Variants in KDM3B observed in about 807,000 individuals in gnomAD.
KDM3B encodes the protein lysine-specific demethylase 3B.
A neutral mutation model predicts 170.0 loss-of-function variants in KDM3B; 10 were observed. That is an observed-to-expected ratio of 0.06 (90% CI 0.04 to 0.10). KDM3B has a LOEUF of 0.10. Among genes scored for constraint, KDM3B ranks in the 10% least tolerant of loss-of-function variants. The pLI is 1.00. For synonymous variants in KDM3B, 831 were observed against 834.8 expected (o/e 1.00, Z 0.08); for missense variants, 1,394 against 2,195.2 (o/e 0.64, Z 7.29).
At chr5:138,427,867 T>C (rs1251768794) in intron 19 of KDM3B, 100 bp from the exon 20 acceptor site, 2 of 1,062,658 alleles carry the variant, frequency 1.9e-6, no homozygotes, top group Non-Finnish European at 2.8e-6. Context: ...CTAATTTTAC[T>C]CATTTAACAA....
intron 11 of KDM3B, among the ~76,000 whole-genome samples, chr5:138,411,559 T>C (rs1024062815): frequency 1.3e-5 from 2 of 152,118 alleles, no homozygotes; most frequent in African/African-American, 4.8e-5. Flanking sequence ...TAACTCTAAG[T>C]GGACCATAGG....
intron 11 of KDM3B, among the ~76,000 whole-genome samples, chr5:138,403,548 G>T (rs780016719): frequency 6.6e-6 from 1 of 152,110 alleles, no homozygotes; most frequent in South Asian, 2.1e-4. Flanking sequence ...ATGGTGGCGG[G>T]TGCCTGTAAT....
chr5:138,415,157 A>T lies in KDM3B; in HGVS notation c.3225A>T (p.Glu1075Asp). Residue 1075 changes from glutamate to aspartate, a missense_variant, in exon 12 of 24, where the codon GAA becomes GAT. By Grantham distance (45) the Glu-to-Asp change is conservative. Around this residue, in one of 19 missense-constraint regions of KDM3B, gnomAD observed 44 missense variants for 71.1 expected, o/e 0.62. Transcript: ENST00000314358. Reference protein sequence around the residue: ...RSETEEMGDEEVFSWLKCAKG... With the variant: ...RSETEEMGDEDVFSWLKCAKG... ...AGACAGAAGAGATGGGTGATGAAGAAGTTTTCTCCTGGTTGAAGTGTGCAA... is the reference window on the plus strand; with the variant it reads ...AGACAGAAGAGATGGGTGATGAAGATGTTTTCTCCTGGTTGAAGTGTGCAA... 1 of 1,608,094 alleles carries T rather than the reference A, an allele frequency of 6.2e-7. No homozygotes were observed. Among genetic ancestry groups the T allele is most frequent in the Non-Finnish European group, 8.5e-7 (1 of 1,175,636 alleles).
chr5:138,355,296 ACTT>A (rs1364626598), intron 1 of KDM3B, among the ~76,000 whole-genome samples: 1 of 152,226 alleles, frequency 6.6e-6, no homozygotes, highest in Non-Finnish European at 1.5e-5. Flanking sequence ...TTGAAAACAC[ACTT>A]CTTAATTTTA....
chr5:138,374,549 G>A (rs996829157), intron 2 of KDM3B, among the ~76,000 whole-genome samples: 10 of 152,104 alleles, frequency 6.6e-5, no homozygotes, highest in African/African-American at 2.2e-4. Context: ...TAGCCACTGC[G>A]CCCGGCTTCT....
Position 138,352,882 on chromosome 5 carries a change from C to T in KDM3B, c.87C>T (p.Pro29=). Residue 29 remains proline (P), a synonymous_variant, in exon 1 of 24, where the codon CCC becomes CCT. Coordinates refer to ENST00000314358, the MANE Select transcript of KDM3B (RefSeq NM_016604.4). ...DTAASASASA[P]AAAAASGDPG... ...CGGCCTCAGCCTCGGCCTCGGCTCCCGCGGCGGCAGCGGCGAGCGGAGATC... is the reference window on the plus strand; with the variant it reads ...CGGCCTCAGCCTCGGCCTCGGCTCCTGCGGCGGCAGCGGCGAGCGGAGATC... 1.5e-6 allele frequency: 2 copies of T among 1,377,206 alleles called. No homozygotes were observed. Among genetic ancestry groups the T allele is most frequent in the Non-Finnish European group, 9.4e-7 (1 of 1,062,448 alleles). 85.3% of individuals were successfully genotyped at this position (1,377,206 alleles called of 1,614,324 possible).
At chr5:138,414,226 C>T (rs1301400840) in intron 11 of KDM3B, among the ~76,000 whole-genome samples, 4 of 152,054 alleles carry the variant, frequency 2.6e-5, no homozygotes, top group Admixed American at 1.3e-4. Context: ...AGTGCAGTGG[C>T]GTGGTCTCAG....
chr5:138,383,982 C>T (rs1762190377), intron 6 of KDM3B, among the ~76,000 whole-genome samples: 1 of 150,912 alleles, frequency 6.6e-6, no homozygotes, highest in African/African-American at 2.4e-5. Flanking sequence ...CAAGGCCAGG[C>T]GCGGTGGCTC....
chr5:138,353,319 G>A (rs1344651639), intron 1 of KDM3B, among the ~76,000 whole-genome samples: 1 of 152,220 alleles, frequency 6.6e-6, no homozygotes, highest in Non-Finnish European at 1.5e-5. Context: ...GAGCTCCCGG[G>A]AGCCTCAGAG....
chr5:138,405,904 T>C (rs949039153), intron 11 of KDM3B, among the ~76,000 whole-genome samples: 1 of 152,194 alleles, frequency 6.6e-6, no homozygotes, highest in African/African-American at 2.4e-5. Context: ...GAAGATAGAC[T>C]TTGATAAGTT....
At chr5:138,395,814 C>T (rs1178598252) in intron 9 of KDM3B, among the ~76,000 whole-genome samples, 2 of 151,920 alleles carry the variant, frequency 1.3e-5, no homozygotes, top group African/African-American at 4.8e-5. Context: ...GACAGGGTTT[C>T]ACCACATTGG....
At chr5:138,410,819 CAA>C (rs1358760128) in intron 11 of KDM3B, among the ~76,000 whole-genome samples, 2 of 152,208 alleles carry the variant, frequency 1.3e-5, no homozygotes, top group South Asian at 2.1e-4. Flanking sequence ...AGAGAGGAGA[CAA>C]AGAGAAAGAC....
chr5:138,381,493 A>G (rs1270641411), intron 5 of KDM3B, 23 bp from the exon 6 acceptor site: 13 of 1,413,288 alleles, frequency 9.2e-6, no homozygotes, highest in South Asian at 6.9e-5. Flanking sequence ...GGCATTAAAT[A>G]TCTTTTTCCC....
intron 7 of KDM3B, among the ~76,000 whole-genome samples, chr5:138,390,349 C>T (rs1461010116): frequency 6.6e-6 from 1 of 152,116 alleles, no homozygotes; most frequent in African/African-American, 2.4e-5. Context: ...TGGTAAATAG[C>T]TTGCTTTCTT....
intron 1 of KDM3B, among the ~76,000 whole-genome samples, chr5:138,358,479 A>T: frequency 1.4e-5 from 2 of 144,492 alleles, no homozygotes; most frequent in Non-Finnish European, 1.5e-5. Context: ...ATTTTTTTTT[A>T]TTTATTAGTA....
In KDM3B at chr5:138,419,161, C is replaced by T. The variant is rs533594350; in HGVS notation, c.3644C>T (p.Thr1215Met). 1.2e-5 allele frequency: 20 copies of T among 1,614,222 alleles called. No homozygotes were observed. Among genetic ancestry groups the T allele is most frequent in the Middle Eastern group, 3.3e-4 (2 of 6,058 alleles). The change falls in exon 14 of 24, where the codon ACG becomes ATG. Residue 1215 changes from threonine to methionine, a missense_variant. Physicochemically the swap from Thr to Met is moderately conservative, Grantham distance 81. This residue lies in a region of KDM3B where 87 missense variants were observed against 83.3 expected (regional missense o/e 1.04). Transcript: ENST00000314358. ...GCCATCAGGCCTCCTTGCCCTGACACGGCCCCACCCTCCTCCGCCCTGCAC... is the reference window on the plus strand; with the variant it reads ...GCCATCAGGCCTCCTTGCCCTGACATGGCCCCACCCTCCTCCGCCCTGCAC... ...LKAIRPPCPDTAPPSSALHWL... is the reference protein window; with the variant it reads ...LKAIRPPCPDMAPPSSALHWL...
At chr5:138,405,056 T>G (rs1160417201) in intron 11 of KDM3B, among the ~76,000 whole-genome samples, 2 of 148,806 alleles carry the variant, frequency 1.3e-5, no homozygotes, top group Non-Finnish European at 3.0e-5. Context: ...ATTTTTTTTT[T>G]TTTTTGAGAC....
chr5:138,428,735 A>G (rs1363793894), intron 20 of KDM3B, among the ~76,000 whole-genome samples: 5 of 152,316 alleles, frequency 3.3e-5, no homozygotes, highest in Admixed American at 6.5e-5. Context: ...GACCTGACCT[A>G]TCAGCCAGAT....
At chr5:138,430,924 A>G (rs902213842) in intron 22 of KDM3B, among the ~76,000 whole-genome samples, 1 of 152,176 alleles carries the variant, frequency 6.6e-6, no homozygotes, top group Non-Finnish European at 1.5e-5. Flanking sequence ...CAAGCTATTA[A>G]AGAAAAAGTG....
Sources: gnomAD v4.1 joint callset for allele counts (sites outside exome capture counted in the v4.1 genomes callset) on GRCh38, gnomAD v4.1.1 for gene constraint, gnomAD v4.1.1 regional missense constraint, MANE v1.5 for transcripts, NCBI Gene and HGNC (gene_info 2026-07-23, HGNC 2026-07-21) for gene names.